CSMD1: variants seen among roughly 807,000 people sequenced by gnomAD.
The protein encoded by CSMD1 is CUB and sushi domain-containing protein 1.
A neutral mutation model predicts 417.5 loss-of-function variants in CSMD1; 213 were observed. The observed-to-expected ratio is 0.51, with a 90% confidence interval of 0.46 to 0.57. The LOEUF (loss-of-function observed/expected upper bound fraction) is 0.57. Ranked by LOEUF, CSMD1 falls within the 20% of genes least tolerant of loss-of-function variation. The pLI is 0.00. For synonymous variants in CSMD1, 2,862 were observed against 1,736.8 expected, an observed-to-expected ratio of 1.65 and a Z score of -16.11; for missense variants, 6,923 against 4,529.7, an observed-to-expected ratio of 1.53 and a Z score of -15.17.
At chr8:3,156,916 G>C (rs1819571422) in intron 39 of CSMD1, among the ~76,000 whole-genome samples, 2 of 147,710 alleles carry the variant, frequency 1.4e-5, no homozygotes, top group African/African-American at 5.0e-5. Flanking sequence ...GGGGTGACAG[G>C]AGTGAGAAGT....
At chr8:3,140,314 T>C (rs1051825828) in intron 41 of CSMD1, among the ~76,000 whole-genome samples, 1 of 150,348 alleles carries the variant, frequency 6.7e-6, no homozygotes, top group South Asian at 2.1e-4. Flanking sequence ...GGGAAGTTGC[T>C]TCCTCTCTGA....
chr8:4,799,458 G>A (rs566308892), intron 1 of CSMD1, among the ~76,000 whole-genome samples: 4 of 151,852 alleles, frequency 2.6e-5, no homozygotes, highest in Non-Finnish European at 4.4e-5. Flanking sequence ...TTAGCCAGGC[G>A]CGTAATGGTG....
At chr8:4,398,517 C>G (rs1404693268) in intron 3 of CSMD1, among the ~76,000 whole-genome samples, 4 of 151,604 alleles carry the variant, frequency 2.6e-5, no homozygotes, top group Admixed American at 2.6e-4. Context: ...CCTCAGCCTC[C>G]CGAGTAGGTG....
intron 28 of CSMD1, 22 bp from the exon 29 acceptor site, chr8:3,219,464 A>G: frequency 7.1e-7 from 1 of 1,410,896 alleles, no homozygotes; most frequent in Non-Finnish European, 9.3e-7. Context: ...AATAGTAATT[A>G]TGTCATACGG....
chr8:4,016,224 T>G (rs755820897), intron 4 of CSMD1, among the ~76,000 whole-genome samples: 46 of 152,174 alleles, frequency 3.0e-4, no homozygotes, highest in South Asian at 6.2e-4. Context: ...TTTAGTCATG[T>G]GATCTCTCCA....
intron 5 of CSMD1, among the ~76,000 whole-genome samples, chr8:3,988,979 CTT>C (rs1814539590): frequency 6.6e-6 from 1 of 152,172 alleles, no homozygotes; most frequent in African/African-American, 2.4e-5. Context: ...TGAACATAGA[CTT>C]TTAGAACTAG....
chr8:4,373,108 C>G (rs1416596274), intron 3 of CSMD1, among the ~76,000 whole-genome samples: 2 of 152,140 alleles, frequency 1.3e-5, no homozygotes, highest in African/African-American at 2.4e-5. Flanking sequence ...ACCCCAAACT[C>G]CAGTCTCATC....
chr8:4,440,062 G>C (rs985896580), intron 2 of CSMD1, among the ~76,000 whole-genome samples: 1 of 152,146 alleles, frequency 6.6e-6, no homozygotes, highest in African/African-American at 2.4e-5. Flanking sequence ...GTGATCAACA[G>C]TTTAAAACAC....
chr8:4,421,538 G>T (rs1326194179), intron 2 of CSMD1, among the ~76,000 whole-genome samples: 1 of 151,870 alleles, frequency 6.6e-6, no homozygotes, highest in Admixed American at 6.6e-5. Context: ...AAAAATGACA[G>T]AAAAATATCT....
At chr8:3,407,162 G>C (rs1812395936) in intron 14 of CSMD1, among the ~76,000 whole-genome samples, 1 of 86,010 alleles carries the variant, frequency 1.2e-5, no homozygotes, top group Non-Finnish European at 2.4e-5. Flanking sequence ...TGGATGGACA[G>C]ATGGAAGGAT....
chr8:3,023,502 T>C (rs2128972879), intron 51 of CSMD1, among the ~76,000 whole-genome samples: 1 of 152,292 alleles, frequency 6.6e-6, no homozygotes, highest in East Asian at 1.9e-4. Context: ...CAATTTTAAC[T>C]TTCTCTTATT....
At chr8:4,492,973 G>C (rs1296882584) in intron 2 of CSMD1, among the ~76,000 whole-genome samples, 3 of 152,186 alleles carry the variant, frequency 2.0e-5, no homozygotes, top group African/African-American at 4.8e-5. Context: ...GTCTAGTTAA[G>C]TCTCAACACC....
At chr8:4,225,607 C>T (rs1323080883) in intron 3 of CSMD1, among the ~76,000 whole-genome samples, 2 of 150,662 alleles carry the variant, frequency 1.3e-5, no homozygotes, top group African/African-American at 4.9e-5. Flanking sequence ...AGGAAATATG[C>T]TGTTGTCCAT....
chr8:3,047,456 C>G (rs1811534193), intron 50 of CSMD1, among the ~76,000 whole-genome samples: 2 of 152,120 alleles, frequency 1.3e-5, no homozygotes, highest in African/African-American at 4.8e-5. Context: ...CCAGTAGTTA[C>G]AAGCCTGATG....
intron 2 of CSMD1, among the ~76,000 whole-genome samples, chr8:4,537,784 G>A (rs544689132): frequency 8.5e-5 from 13 of 152,268 alleles, no homozygotes; most frequent in South Asian, 4.1e-4. Flanking sequence ...GCATGCAGCC[G>A]TTGCTGACTC....
chr8:4,882,736 A>G (rs140418134), intron 1 of CSMD1, among the ~76,000 whole-genome samples: 2,934 of 152,002 alleles, frequency 0.019, 120 homozygotes, highest in African/African-American at 0.067. Context: ...ATAATATGTT[A>G]TAATATTATA....
At chr8:4,289,624 C>G (rs1797249528) in intron 3 of CSMD1, among the ~76,000 whole-genome samples, 3 of 152,264 alleles carry the variant, frequency 2.0e-5, no homozygotes, top group African/African-American at 4.8e-5. Context: ...TGGTGGGGAT[C>G]TGCTGGACGG....
intron 8 of CSMD1, among the ~76,000 whole-genome samples, chr8:3,607,770 T>C (rs1022183567): frequency 6.6e-6 from 1 of 152,208 alleles, no homozygotes; most frequent in Admixed American, 6.5e-5. Context: ...GTATCTCCAT[T>C]AACTGGCAAT....
intron 1 of CSMD1, among the ~76,000 whole-genome samples, chr8:4,949,230 G>A (rs986620551): frequency 1.2e-4 from 19 of 152,064 alleles, no homozygotes; most frequent in African/African-American, 4.3e-4. Flanking sequence ...AATTTTTTTA[G>A]AATTTTTGCA....
Sources: allele counts gnomAD v4.1 joint callset (sites outside exome capture counted in the v4.1 genomes callset), GRCh38; gene constraint gnomAD v4.1.1; transcripts MANE v1.5; gene names NCBI Gene and HGNC (gene_info 2026-07-23, HGNC 2026-07-21).